Variants in SYNJ1 observed in about 807,000 individuals in gnomAD.
SYNJ1 encodes the protein polyphosphatidylinositol phosphatase SYNJ1.
SYNJ1 carries 78 observed loss-of-function variants against 168.2 expected under a neutral mutation model. The observed-to-expected ratio is 0.46, with a 90% confidence interval of 0.39 to 0.56. The LOEUF (loss-of-function observed/expected upper bound fraction) is 0.56. Ranked by LOEUF, SYNJ1 falls within the 20% of genes least tolerant of loss-of-function variation. The pLI is 0.00. For synonymous variants in SYNJ1, 539 were observed against 548.6 expected (o/e 0.98, Z 0.24); for missense variants, 1,303 against 1,597.6 (o/e 0.82, Z 3.14).
At chr21:32,631,855 C>G (rs964044329) in intron 32 of SYNJ1, 54 bp from the exon 33 acceptor site, 6 of 1,426,372 alleles carry the variant, frequency 4.2e-6, no homozygotes, top group Non-Finnish European at 5.7e-6. Flanking sequence ...CTTAATACCC[C>G]CTATTCTTCC....
At chr21:32,667,276 A>C (rs2040976677) in intron 15 of SYNJ1, among the ~76,000 whole-genome samples, 1 of 152,122 alleles carries the variant, frequency 6.6e-6, no homozygotes, top group Non-Finnish European at 1.5e-5. Flanking sequence ...ACTTTTCAAA[A>C]TTTTTCTAAA....
rs374069319 is a variant in SYNJ1, at chr21:32,688,412, T to C, written c.790-45A>G. The C allele has an allele frequency of 1.3e-5, 20 of 1,535,134 alleles. 1 individual carries two copies. The South Asian group carries it at 1.4e-4, about 11-fold the overall frequency. On this transcript the variant is annotated intron_variant, in intron 6 of 32. Coordinates refer to ENST00000674351, the MANE Select transcript of SYNJ1 (RefSeq NM_203446.3). ...TTTAATCAAACCAAAAACCAACATATAGACGAAAGAAATATCACTGCTTAC... is the reference window on the plus strand; with the variant it reads ...TTTAATCAAACCAAAAACCAACATACAGACGAAAGAAATATCACTGCTTAC...
chr21:32,642,425 A>ACC lies in SYNJ1; in HGVS notation c.3479-293_3479-292insGG, dbSNP rs1555889521. On this transcript the variant is annotated intron_variant, in intron 27 of 32. Coordinates refer to ENST00000674351, the MANE Select transcript of SYNJ1 (RefSeq NM_203446.3). ...CTTTTAGGGTGGCATTCCCCATAGA[A>ACC]CTCTCTCGTGAACCTTGAAAACATA... Among the ~76,000 whole-genome samples the ACC allele has an allele frequency of 4.0e-3, 10 of 2,496 alleles. No homozygotes were observed. The African/African-American group carries it at 0.042, about 10-fold the overall frequency. The allele number at this position is 2,496 out of a possible 152,430, so 1.6% of individuals were successfully genotyped here. A position where few individuals can be genotyped will look rare whatever the true frequency, so the allele number is the denominator to read the frequency against.
Sources: allele counts gnomAD v4.1 joint callset (sites outside exome capture counted in the v4.1 genomes callset), GRCh38; gene constraint gnomAD v4.1.1; transcripts MANE v1.5; gene names NCBI Gene and HGNC (gene_info 2026-07-23, HGNC 2026-07-21).